The following MGAT4C variants were observed in gnomAD, a reference collection of about 807,000 sequenced individuals.
The protein encoded by MGAT4C is alpha-1,3-mannosyl-glycoprotein 4-beta-N-acetylglucosaminyltransferase C.
MGAT4C carries 19 observed loss-of-function variants against 40.1 expected under a neutral mutation model. The ratio of observed to expected loss-of-function variants is 0.47; its 90% CI spans 0.33 to 0.70. MGAT4C has a LOEUF of 0.70. Among genes scored for constraint, MGAT4C ranks in the 30% least tolerant of loss-of-function variants. MGAT4C has a pLI of 0.02. For missense variants in MGAT4C, 491 were observed against 563.2 expected (o/e 0.87, Z 1.30); for synonymous variants, 181 against 187.1 (o/e 0.97, Z 0.27).
At chr12:86,211,448 G>A (rs573894843) in intron 1 of MGAT4C, among the ~76,000 whole-genome samples, 228 of 145,018 alleles carry the variant, frequency 1.6e-3, no homozygotes, top group Non-Finnish European at 2.0e-3. Flanking sequence ...TTAGCCGGGC[G>A]TGGTGGCGGT....
upstream of MGAT4C, among the ~76,000 whole-genome samples, chr12:86,258,521 G>A (rs182855763): frequency 3.5e-3 from 534 of 152,010 alleles, 2 homozygotes; most frequent in African/African-American, 0.012. Flanking sequence ...AGGCATTTTT[G>A]TTTGTTTGTT....
intron 1 of MGAT4C, among the ~76,000 whole-genome samples, chr12:86,089,863 G>A (rs7485285): frequency 0.57 from 86,289 of 151,276 alleles, 25,459 homozygotes; most frequent in East Asian, 0.91. Context: ...TTTTTCATAG[G>A]TGATGTAGTT....
rs372774821 is a variant in MGAT4C at position 86,588,634 on chromosome 12, C to T, written c.-229+138575G>A. Among the ~76,000 whole-genome samples, 518 of 152,040 alleles carry T rather than the reference C, an allele frequency of 3.4e-3. 3 individuals carry two copies. Among genetic ancestry groups the T allele is most frequent in the African/African-American group, 0.012 (498 of 41,514 alleles). On this transcript the variant is annotated intron_variant, in intron 2 of 7. Transcript: ENST00000548651. ...GCACCACACCACACCTATTCCAAAA[C>T]TGACCACATACTTGGAAGTAAAGCT...
intron 1 of MGAT4C, among the ~76,000 whole-genome samples, chr12:86,797,584 G>T (rs922926599): frequency 1.3e-5 from 2 of 151,804 alleles, no homozygotes; most frequent in African/African-American, 2.4e-5. Flanking sequence ...ACCACAGGCA[G>T]CTGTTACTTC....
chr12:86,614,185 G>T (rs947553912), intron 2 of MGAT4C, among the ~76,000 whole-genome samples: 2 of 152,134 alleles, frequency 1.3e-5, no homozygotes, highest in Admixed American at 6.5e-5. Flanking sequence ...AATAACTTCT[G>T]GTTCTATCCA....
chr12:86,679,051 G>A (rs1164676039), intron 2 of MGAT4C, among the ~76,000 whole-genome samples: 2 of 152,050 alleles, frequency 1.3e-5, no homozygotes, highest in Non-Finnish European at 2.9e-5. Context: ...CACCAACAGT[G>A]TAAAAGTGTT....
At chr12:86,544,082 A>G (rs1959181277) in intron 2 of MGAT4C, among the ~76,000 whole-genome samples, 1 of 152,152 alleles carries the variant, frequency 6.6e-6, no homozygotes, top group Non-Finnish European at 1.5e-5. Flanking sequence ...TTCTGCTTCC[A>G]TATCAACTAA....
At chr12:86,117,345 A>G (rs1167335199) in intron 1 of MGAT4C, among the ~76,000 whole-genome samples, 1 of 152,204 alleles carries the variant, frequency 6.6e-6, no homozygotes, top group Non-Finnish European at 1.5e-5. Flanking sequence ...GAAGGAGAAT[A>G]TAAGACAGGA....
chr12:86,707,162 C>T (rs1409563735), intron 2 of MGAT4C, among the ~76,000 whole-genome samples: 2 of 151,986 alleles, frequency 1.3e-5, no homozygotes, highest in Non-Finnish European at 2.9e-5. Context: ...TAAATTGGTA[C>T]CAGTAAAGTG....
At position 86,476,337 on chromosome 12, in the gene MGAT4C, G is replaced by T. The variant is rs147656283; in HGVS notation, c.-228-41072C>A. Among the ~76,000 whole-genome samples, 6 of 152,140 alleles carry T rather than the reference G, an allele frequency of 3.9e-5. No individual in the cohort carries two copies. In the East Asian group the frequency reaches 7.7e-4, roughly 20 times the overall value. On this transcript the variant is annotated intron_variant, in intron 2 of 7. Coordinates refer to the MGAT4C transcript ENST00000548651. ...GTGGCCAAGAAACATATGAAACAAT[G>T]CTCCACATCACTAATCATCAGAGAA...
At chr12:86,120,265 T>A (rs1057206992) in intron 1 of MGAT4C, among the ~76,000 whole-genome samples, 1 of 152,150 alleles carries the variant, frequency 6.6e-6, no homozygotes, top group African/African-American at 2.4e-5. Context: ...AGGGTACATG[T>A]GCACAATGGG....
At chr12:86,353,826 C>T (rs1023840120) in intron 3 of MGAT4C, among the ~76,000 whole-genome samples, 1 of 152,158 alleles carries the variant, frequency 6.6e-6, no homozygotes, top group African/African-American at 2.4e-5. Context: ...TCTTCTCTTA[C>T]TGCTTTGCCC....
chr12:86,781,337 G>A (rs1203362898), intron 1 of MGAT4C, among the ~76,000 whole-genome samples: 1 of 149,720 alleles, frequency 6.7e-6, no homozygotes, highest in Non-Finnish European at 1.5e-5. Flanking sequence ...TTTGACTTTC[G>A]TAATAGCCAT....
intron 2 of MGAT4C, among the ~76,000 whole-genome samples, chr12:86,481,462 A>T (rs1957936348): frequency 6.6e-6 from 1 of 152,098 alleles, no homozygotes; most frequent in Admixed American, 6.6e-5. Context: ...TTACCCTCTG[A>T]TGTAGCATTT....
Position 86,561,316 on chromosome 12 carries a change from T to C in MGAT4C, c.-228-126051A>G, listed in dbSNP as rs530764603. Among the ~76,000 whole-genome samples the C allele has an allele frequency of 4.6e-5, 7 of 152,318 alleles. No homozygotes were observed. The East Asian group carries it at 1.2e-3, about 25-fold the overall frequency. On this transcript the variant is annotated intron_variant, in intron 2 of 7. Coordinates refer to the MGAT4C transcript ENST00000548651. ...GACTGAATTGAAGGATGCAAAGTAT[T>C]GTTCCTGGGTGTGTCTGAGAGGTTG...
At chr12:86,727,860 T>C (rs1016582267) in intron 1 of MGAT4C, among the ~76,000 whole-genome samples, 1 of 152,020 alleles carries the variant, frequency 6.6e-6, no homozygotes, top group African/African-American at 2.4e-5. Flanking sequence ...CTTGTAACTT[T>C]ACACAAAAGT....
Position 85,975,514 on chromosome 12 carries a change from T to C in MGAT4C, c.*3775A>G, listed in dbSNP as rs983723141. 6.6e-6 allele frequency: 1 copy of C among 150,890 alleles called. No individual in the cohort carries two copies. The highest frequency in any genetic ancestry group is 2.1e-4 in the South Asian group (1 of 4,824). 9.3% of individuals were successfully genotyped at this position (150,890 alleles called of 1,614,324 possible). On this transcript the variant is annotated 3_prime_UTR_variant, in exon 5 of 5. Transcript: ENST00000611864. ...AGAAGGTTAAGTAAATTTCCTCATATTGGGAGGCTGGTAATGCAGAACTGG... is the reference window on the plus strand; with the variant it reads ...AGAAGGTTAAGTAAATTTCCTCATACTGGGAGGCTGGTAATGCAGAACTGG...
Position 86,630,369 on chromosome 12 carries a change from C to T in MGAT4C, c.-229+96840G>A, listed in dbSNP as rs7967241. Among the ~76,000 whole-genome samples, 570 of 152,116 alleles carry T rather than the reference C, an allele frequency of 3.7e-3. 4 individuals are homozygous for T. Among genetic ancestry groups the T allele is most frequent in the African/African-American group, 0.013 (551 of 41,492 alleles). On this transcript the variant is annotated intron_variant, in intron 2 of 7. Coordinates refer to the MGAT4C transcript ENST00000548651. ...TTCCTTCTGAAACTATCCCAATCAA[C>T]AGAAAAAGAGGGAATCCTCCCTAAC...
chr12:86,062,172 G>C (rs1398712033), intron 1 of MGAT4C, among the ~76,000 whole-genome samples: 1 of 152,204 alleles, frequency 6.6e-6, no homozygotes, highest in Non-Finnish European at 1.5e-5. Context: ...AGCTTCCAGA[G>C]AAAGTAACAG....
Sources: gnomAD v4.1 joint callset for allele counts (sites outside exome capture counted in the v4.1 genomes callset) on GRCh38, gnomAD v4.1.1 for gene constraint, MANE v1.5 for transcripts, NCBI Gene and HGNC (gene_info 2026-07-23, HGNC 2026-07-21) for gene names.